Variants in RERE observed in about 807,000 individuals in gnomAD.
RERE encodes the protein arginine-glutamic acid dipeptide repeats.
In RERE, 40 loss-of-function variants were observed where a neutral mutation model predicts 146.1. The observed-to-expected ratio is 0.27, with a 90% CI of 0.21 to 0.36. The LOEUF (loss-of-function observed/expected upper bound fraction) is 0.36. Among genes scored for constraint, RERE ranks in the 10% least tolerant of loss-of-function variants. RERE has a pLI of 1.00. For missense variants in RERE, 1,933 were observed against 2,138.7 expected (o/e 0.90, Z 1.90); for synonymous variants, 1,003 against 866.0 (o/e 1.16, Z -2.78).
At chr1:8,651,284 C>T (rs1261155132) in intron 2 of RERE, among the ~76,000 whole-genome samples, 3 of 152,002 alleles carry the variant, frequency 2.0e-5, no homozygotes, top group African/African-American at 7.3e-5. Context: ...TGTAAGCACA[C>T]CTGTAGTCCT....
At position 8,385,891 on chromosome 1, in the gene RERE, C is replaced by G. The variant is rs1642621887; in HGVS notation, c.1285-19917G>C. Among the ~76,000 whole-genome samples the G allele has an allele frequency of 2.1e-5, 3 of 141,070 alleles. No individual in the cohort carries two copies. The East Asian group carries it at 6.5e-4, about 31-fold the overall frequency. 92.5% of individuals were successfully genotyped at this position (141,070 alleles called of 152,430 possible). A position where few individuals can be genotyped will look rare whatever the true frequency, so the allele number is the denominator to read the frequency against. The stretch of plus-strand genomic sequence containing the variant: ...GACTGAGGCAGGAGAATGGCGTGAA[C>G]CCGGGAGGTGGAGCTTGCAGTGAGT... On this transcript the variant is annotated intron_variant, in intron 12 of 22. Coordinates refer to ENST00000400908, the MANE Select transcript of RERE (RefSeq NM_001042681.2).
At chr1:8,690,258 G>GT (rs1233225568) in intron 1 of RERE, among the ~76,000 whole-genome samples, 1 of 152,180 alleles carries the variant, frequency 6.6e-6, no homozygotes, top group Non-Finnish European at 1.5e-5. Context: ...ACATGTCAGA[G>GT]TGAGCACTGG....
Position 8,360,497 on chromosome 1 carries a change from G to T in RERE, c.3010C>A (p.Pro1004Thr). The T allele has an allele frequency of 7.2e-7, 1 of 1,382,308 alleles. No individual in the cohort carries two copies. The highest frequency in any genetic ancestry group is 9.5e-7 in the Non-Finnish European group (1 of 1,049,156). The allele number at this position is 1,382,308 out of a possible 1,614,324, so 85.6% of individuals were successfully genotyped here. The change falls in exon 18 of 23, where the codon CCC becomes ACC. Residue 1004 changes from proline to threonine, a missense_variant. By Grantham distance (38) the Pro-to-Thr change is conservative. Around this residue, in one of 11 missense-constraint regions of RERE, gnomAD observed 1,255 missense variants for 1,153.8 expected, o/e 1.09. Transcript: ENST00000400908. ...SQPLPSSPAQ[P>T]PGLTQSQNLP... ...TTCTGGCTCTGGGTCAGCCCGGGGG[G>T]CTGGGCGGGCGAGGAGGGCAATGGC... is the stretch of plus-strand genomic sequence containing the variant.
chr1:8,570,156 G>C (rs1433454571), intron 4 of RERE, among the ~76,000 whole-genome samples: 1 of 152,006 alleles, frequency 6.6e-6, no homozygotes, highest in African/African-American at 2.4e-5. Flanking sequence ...GGCCAACATG[G>C]TGAAACCCCG....
chr1:8,765,018 T>C (rs1640821300), intron 1 of RERE, among the ~76,000 whole-genome samples: 1 of 152,194 alleles, frequency 6.6e-6, no homozygotes, highest in Non-Finnish European at 1.5e-5. Context: ...CCAAGAGAAA[T>C]GCAAATACAC....
chr1:8,405,895 A>C (rs992874023), intron 12 of RERE, among the ~76,000 whole-genome samples: 1 of 152,104 alleles, frequency 6.6e-6, no homozygotes, highest in Non-Finnish European at 1.5e-5. Context: ...TCAGCCTCCC[A>C]AAGTGCTGGG....
At chr1:8,416,185 C>G (rs907565082) in intron 12 of RERE, among the ~76,000 whole-genome samples, 2 of 152,078 alleles carry the variant, frequency 1.3e-5, no homozygotes, top group African/African-American at 4.8e-5. Context: ...GACTGCATGC[C>G]ACAAGGTAAA....
At chr1:8,470,103 G>C (rs965197713) in intron 10 of RERE, among the ~76,000 whole-genome samples, 2 of 151,998 alleles carry the variant, frequency 1.3e-5, no homozygotes, top group African/African-American at 4.8e-5. Flanking sequence ...CTGTTGTCTG[G>C]CTGGCCTCTT....
chr1:8,514,958 G>C (rs1487364026), intron 7 of RERE, among the ~76,000 whole-genome samples: 3 of 152,066 alleles, frequency 2.0e-5, no homozygotes, highest in East Asian at 1.9e-4. Flanking sequence ...ATCTGTCCTA[G>C]GTGCTCTACA....
At chr1:8,778,368 C>G (rs896669027) in intron 1 of RERE, among the ~76,000 whole-genome samples, 8 of 152,184 alleles carry the variant, frequency 5.3e-5, no homozygotes, top group Non-Finnish European at 8.8e-5. Context: ...TGAAAACGTT[C>G]TTTACTTATC....
At chr1:8,388,101 G>C (rs1324741715) in intron 12 of RERE, among the ~76,000 whole-genome samples, 1 of 152,148 alleles carries the variant, frequency 6.6e-6, no homozygotes, top group Non-Finnish European at 1.5e-5. Flanking sequence ...GGGATAAAGG[G>C]GAATGAAAAC....
chr1:8,655,550 C>T (rs1638259345), intron 2 of RERE, among the ~76,000 whole-genome samples: 1 of 152,132 alleles, frequency 6.6e-6, no homozygotes, highest in Non-Finnish European at 1.5e-5. Flanking sequence ...CTGGTCGATC[C>T]TGTCCCAAGG....
At position 8,733,150 on chromosome 1, in the gene RERE, A is replaced by G. The variant is rs533390880; in HGVS notation, c.-144-76709T>C. ...TTTTCTATAAATCTAAAAGTGTTCT[A>G]AAGTATAAAGTTTATTTAAAAAAAA... On this transcript the variant is annotated intron_variant, in intron 1 of 22. Coordinates refer to ENST00000400908, the MANE Select transcript of RERE (RefSeq NM_001042681.2). 1.6e-4 allele frequency among the ~76,000 whole-genome samples: 24 copies of G among 152,218 alleles called. No individual in the cohort carries two copies. The South Asian group carries it at 4.8e-3, about 30-fold the overall frequency.
chr1:8,530,141 G>A (rs1376606912), intron 7 of RERE, among the ~76,000 whole-genome samples: 1 of 152,088 alleles, frequency 6.6e-6, no homozygotes, highest in Non-Finnish European at 1.5e-5. Context: ...GGCCTTCCCA[G>A]AAGTCCTGTG....
chr1:8,424,384 C>T (rs1643977498), intron 11 of RERE: 2 of 152,260 alleles, frequency 1.3e-5, no homozygotes, highest in African/African-American at 4.8e-5. Flanking sequence ...CAGACTTAGC[C>T]TTTTAAGACC....
At chr1:8,465,385 C>T (rs375546045) in intron 11 of RERE, 40 of 242,864 alleles carry the variant, frequency 1.6e-4, no homozygotes, top group Non-Finnish European at 2.8e-4. Context: ...TCTTACAAGC[C>T]CTATAAAAAC....
intron 1 of RERE, among the ~76,000 whole-genome samples, chr1:8,763,948 A>AG (rs1176158277): frequency 6.6e-6 from 1 of 152,124 alleles, no homozygotes; most frequent in Non-Finnish European, 1.5e-5. Flanking sequence ...TAAAAAAAAA[A>AG]AAAAAAAGTC....
chr1:8,371,332 T>C (rs1438065624), intron 12 of RERE, among the ~76,000 whole-genome samples: 1 of 152,148 alleles, frequency 6.6e-6, no homozygotes, highest in Non-Finnish European at 1.5e-5. Flanking sequence ...AGCAGAGGTG[T>C]CTTTCCAGGC....
intron 2 of RERE, among the ~76,000 whole-genome samples, chr1:8,636,490 CCACTG>C (rs1221405977): frequency 6.6e-6 from 1 of 151,880 alleles, no homozygotes; most frequent in Non-Finnish European, 1.5e-5. Flanking sequence ...ACTATGATGA[CCACTG>C]CACTCCAGCC....
Sources: allele counts gnomAD v4.1 joint callset (sites outside exome capture counted in the v4.1 genomes callset), GRCh38; gene constraint gnomAD v4.1.1; regional missense constraint gnomAD v4.1.1; transcripts MANE v1.5; gene names NCBI Gene and HGNC (gene_info 2026-07-23, HGNC 2026-07-21).